SEC24B: variants seen among roughly 807,000 people sequenced by gnomAD.
SEC24B encodes the protein protein transport protein Sec24B.
A neutral mutation model predicts 142.8 loss-of-function variants in SEC24B; 45 were observed. The ratio of observed to expected loss-of-function variants is 0.32; its 90% confidence interval spans 0.25 to 0.40. The LOEUF (loss-of-function observed/expected upper bound fraction) is 0.40, where lower values mean the gene tolerates loss of function less well. Among genes scored for constraint, SEC24B ranks in the 10% least tolerant of loss-of-function variants. The pLI, the probability that SEC24B is intolerant of heterozygous loss-of-function variation, is 1.00. For missense variants in SEC24B, 1,409 were observed against 1,526.8 expected, an observed-to-expected ratio of 0.92 and a Z score of 1.29; for synonymous variants, 574 against 568.2, an observed-to-expected ratio of 1.01 and a Z score of -0.15.
intron 11 of SEC24B, among the ~76,000 whole-genome samples, chr4:109,517,219 T>G (rs1723030692): frequency 6.6e-6 from 1 of 152,156 alleles, no homozygotes. Context: ...GGATACATAA[T>G]CAGACTAAGT....
chr4:109,538,456 A>G (rs1161603683), intron 22 of SEC24B, 37 bp from the exon 23 acceptor site: 2 of 1,423,112 alleles, frequency 1.4e-6, no homozygotes, highest in African/African-American at 2.8e-5. Flanking sequence ...GAAGTCTATG[A>G]GAAAGGAAAG....
chr4:109,526,403 A>T lies in SEC24B; in HGVS notation c.2965+4A>T. On this transcript the variant is annotated splice_donor_region_variant and intron_variant, in intron 17 of 23. Transcript: ENST00000265175. ...CTATTATATACATCAAGCAAAGGTAATGTTAACAGAAATGAAATATAGTCT... is the reference window on the plus strand; with the variant it reads ...CTATTATATACATCAAGCAAAGGTATTGTTAACAGAAATGAAATATAGTCT... 6.3e-7 allele frequency: 1 copy of T among 1,596,618 alleles called. No homozygotes were observed. Among genetic ancestry groups the T allele is most frequent in the Non-Finnish European group, 8.6e-7 (1 of 1,167,636 alleles).
At chr4:109,508,255 C>A (rs988434748) in intron 7 of SEC24B, among the ~76,000 whole-genome samples, 4 of 152,224 alleles carry the variant, frequency 2.6e-5, no homozygotes, top group East Asian at 1.9e-4. Flanking sequence ...AGGTTAGGTA[C>A]CCCCTACGTA....
intron 17 of SEC24B, among the ~76,000 whole-genome samples, chr4:109,526,752 ATT>A (rs552493408): frequency 3.2e-4 from 48 of 152,256 alleles, no homozygotes; most frequent in South Asian, 8.3e-4. Flanking sequence ...GTTTTCTGGT[ATT>A]TTACTCTATA....
chr4:109,456,283 G>T (rs1730658073), intron 1 of SEC24B, among the ~76,000 whole-genome samples: 1 of 146,262 alleles, frequency 6.8e-6, no homozygotes, highest in African/African-American at 2.5e-5. Context: ...AGATTTTTTT[G>T]GGATTTTCTA....
intron 14 of SEC24B, among the ~76,000 whole-genome samples, chr4:109,524,316 T>A (rs1450820048): frequency 6.6e-6 from 1 of 152,188 alleles, no homozygotes; most frequent in Non-Finnish European, 1.5e-5. Flanking sequence ...TTAGGAAATG[T>A]TGTATGATGA....
chr4:109,462,588 G>GAC (rs1197721620), intron 1 of SEC24B, among the ~76,000 whole-genome samples: 1 of 152,144 alleles, frequency 6.6e-6, no homozygotes, highest in Non-Finnish European at 1.5e-5. Context: ...GTATCTGAGA[G>GAC]AAAGAGAGCC....
intron 5 of SEC24B, among the ~76,000 whole-genome samples, chr4:109,493,519 C>T (rs1308409737): frequency 6.6e-6 from 1 of 151,690 alleles, no homozygotes; most frequent in African/African-American, 2.4e-5. Flanking sequence ...TTTTGTTTTC[C>T]ACTTTCTGTT....
At chr4:109,498,858 T>G (rs1459858215) in intron 6 of SEC24B, among the ~76,000 whole-genome samples, 2 of 151,748 alleles carry the variant, frequency 1.3e-5, no homozygotes, top group African/African-American at 4.8e-5. Context: ...CCCTAACAGT[T>G]GGTTTTTGAC....
intron 3 of SEC24B, among the ~76,000 whole-genome samples, chr4:109,475,945 T>C (rs1209478166): frequency 2.0e-5 from 3 of 152,214 alleles, no homozygotes; most frequent in African/African-American, 7.2e-5. Context: ...ATAGTATATT[T>C]TCTTTTGAAT....
Position 109,531,428 on chromosome 4 carries a change from T to C in SEC24B, c.3296T>C (p.Val1099Ala). ...ACAAGCACACGGCTGGATGATCGTGTATATGCCATGTGTCAGATAAAGTCT... is the reference window on the plus strand; with the variant it reads ...ACAAGCACACGGCTGGATGATCGTGCATATGCCATGTGTCAGATAAAGTCT... ...TGTSTRLDDR[V>A]YAMCQIKSQP... Residue 1099 changes from valine (V) to alanine (A), a missense_variant, in exon 20 of 24, where the codon GTA becomes GCA. This residue lies in a region of SEC24B where 700 missense variants were observed against 853.3 expected (regional missense o/e 0.82). Coordinates refer to ENST00000265175, the MANE Select transcript of SEC24B (RefSeq NM_006323.5). The C allele has an allele frequency of 6.2e-7, 1 of 1,613,642 alleles. No individual in the cohort carries two copies. Among genetic ancestry groups the C allele is most frequent in the East Asian group, 2.2e-5 (1 of 44,864 alleles).
intron 7 of SEC24B, among the ~76,000 whole-genome samples, chr4:109,509,479 C>A (rs1167911640): frequency 2.0e-5 from 3 of 151,990 alleles, no homozygotes; most frequent in African/African-American, 7.3e-5. Flanking sequence ...AGATCGAGAC[C>A]ATCCTGGCTA....
chr4:109,517,808 G>C (rs1215628375), intron 11 of SEC24B, among the ~76,000 whole-genome samples: 1 of 152,070 alleles, frequency 6.6e-6, no homozygotes, highest in East Asian at 1.9e-4. Flanking sequence ...TGTAATTTAT[G>C]CCTGAGCAAG....
chr4:109,492,311 TTG>T (rs576510550), intron 5 of SEC24B, among the ~76,000 whole-genome samples: 1 of 151,984 alleles, frequency 6.6e-6, no homozygotes, highest in African/African-American at 2.4e-5. Context: ...CCTAGGAATT[TTG>T]TGTGTGTGTG....
At chr4:109,534,525 T>A (rs1725291175) in intron 22 of SEC24B, among the ~76,000 whole-genome samples, 1 of 151,894 alleles carries the variant, frequency 6.6e-6, no homozygotes, top group Non-Finnish European at 1.5e-5. Flanking sequence ...AGGCGGAGCT[T>A]GCAGTGAGCC....
intron 1 of SEC24B, among the ~76,000 whole-genome samples, chr4:109,449,184 G>T (rs35699695): frequency 0.1 from 15,164 of 152,046 alleles, 839 homozygotes; most frequent in Middle Eastern, 0.18. Context: ...TCTTAGCTAG[G>T]TTGCTATATT....
intron 11 of SEC24B, among the ~76,000 whole-genome samples, chr4:109,518,921 T>C (rs1345210921): frequency 6.6e-6 from 1 of 150,496 alleles, no homozygotes; most frequent in Non-Finnish European, 1.5e-5. Context: ...ATCCTCCCAC[T>C]TCAGCCTCCT....
rs370591528 is a variant in SEC24B at position 109,494,856 on chromosome 4, A to C, written c.1488A>C (p.Gln496His). 1.9e-6 allele frequency: 3 copies of C among 1,613,974 alleles called. No individual in the cohort carries two copies. The highest frequency in any genetic ancestry group is 2.5e-6 in the Non-Finnish European group (3 of 1,179,956). ...ATTCTGGATTCCAGCAGTATCCTCA[A>C]GTATGTATTCAGTCATATACACACA... ...PVYSGFQQYP[Q>H]QYPGVNQLSS... is the part of the protein sequence containing the mutation. Residue 496 changes from glutamine to histidine, a missense_variant and splice_region_variant, in exon 6 of 24, where the codon CAA becomes CAC. Around this residue, in one of 2 missense-constraint regions of SEC24B, gnomAD observed 709 missense variants for 673.5 expected, o/e 1.05. Coordinates refer to ENST00000265175, the MANE Select transcript of SEC24B (RefSeq NM_006323.5).
intron 4 of SEC24B, among the ~76,000 whole-genome samples, chr4:109,491,115 T>G (rs1204126256): frequency 6.6e-6 from 1 of 152,170 alleles, no homozygotes; most frequent in Admixed American, 6.5e-5. Flanking sequence ...TTTATCCCAC[T>G]CATCAGCTTC....
Sources: allele counts gnomAD v4.1 joint callset (sites outside exome capture counted in the v4.1 genomes callset), GRCh38; gene constraint gnomAD v4.1.1; regional missense constraint gnomAD v4.1.1; transcripts MANE v1.5; gene names NCBI Gene and HGNC (gene_info 2026-07-23, HGNC 2026-07-21).